CHL1: variants seen among roughly 807,000 people sequenced by gnomAD.
The protein encoded by CHL1 is neural cell adhesion molecule L1-like protein.
A neutral mutation model predicts 141.9 loss-of-function variants in CHL1; 96 were observed. The observed-to-expected ratio is 0.68, with a 90% confidence interval of 0.57 to 0.80. CHL1 has a LOEUF of 0.80. CHL1 is among the 30% of genes least tolerant of loss of function. CHL1 has a pLI of 0.00. For missense variants in CHL1, 1,820 were observed against 1,457.2 expected, an observed-to-expected ratio of 1.25 and a Z score of -4.05; for synonymous variants, 613 against 502.2, an observed-to-expected ratio of 1.22 and a Z score of -2.95.
intron 15 of CHL1, among the ~76,000 whole-genome samples, chr3:373,286 C>T (rs1300048961): frequency 6.6e-6 from 1 of 152,228 alleles, no homozygotes; most frequent in Non-Finnish European, 1.5e-5. Context: ...GGATTCTGTC[C>T]CTGAGCCTCT....
In CHL1 at chr3:390,987, TG is replaced by T. The variant is rs753375374; in HGVS notation, c.2621del (p.Gly874GlufsTer8). Reference protein sequence around the residue: ...NWWKTKSLLDGRTHPKEVNIL... With the variant: ...NWWKTKSLLDXRTHPKEVNIL... Reference sequence around the variant, plus strand: ...GGTGGAAAACAAAAAGTCTGTTGGATGGAAGAACACATCCCAAAGAAGTGAA... The same window carrying T: ...GGTGGAAAACAAAAAGTCTGTTGGATGAAGAACACATCCCAAAGAAGTGAA... On this transcript the variant is annotated frameshift_variant, in exon 22 of 28. Transcript: ENST00000256509. LOFTEE classifies it high-confidence loss of function. 2 of 1,614,158 alleles carry T rather than the reference TG, an allele frequency of 1.2e-6. No homozygotes were observed. The highest frequency in any genetic ancestry group is 3.3e-5 in the Admixed American group (2 of 60,016).
intron 1 of CHL1, among the ~76,000 whole-genome samples, chr3:232,809 G>A (rs187115482): frequency 5.1e-4 from 78 of 152,174 alleles, no homozygotes; most frequent in African/African-American, 1.8e-3. Flanking sequence ...TGGCTTGCTA[G>A]TAAGTGCCTG....
intron 24 of CHL1, 98 bp from the exon 25 acceptor site, chr3:398,129 A>G (rs1708826593): frequency 1.5e-6 from 1 of 669,530 alleles, no homozygotes; most frequent in Non-Finnish European, 2.3e-6. Flanking sequence ...AAAATATGGT[A>G]TAAGTGACTT....
At chr3:375,429 T>C (rs1200546338) in intron 15 of CHL1, among the ~76,000 whole-genome samples, 2 of 151,778 alleles carry the variant, frequency 1.3e-5, no homozygotes, top group East Asian at 3.9e-4. Context: ...GGAGCTGCTT[T>C]TTTCCCCCTC....
chr3:230,703 G>C (rs1226436841), intron 1 of CHL1, among the ~76,000 whole-genome samples: 1 of 152,052 alleles, frequency 6.6e-6, no homozygotes, highest in African/African-American at 2.4e-5. Context: ...GTTGTTTCAA[G>C]GGTTTAATTT....
In CHL1 at chr3:298,830, A is replaced by G. The variant is rs890390804; in HGVS notation, c.-94-20853A>G. 2.6e-5 allele frequency among the ~76,000 whole-genome samples: 4 copies of G among 152,176 alleles called. 1 individual carries two copies. The stretch of plus-strand genomic sequence containing the variant: ...ATTAGCAAAACAGTCACTGCCTTCA[A>G]ATTTTTTTACCATATAAGATGATGA... On this transcript the variant is annotated intron_variant, in intron 2 of 27. Coordinates refer to ENST00000256509, the MANE Select transcript of CHL1 (RefSeq NM_006614.4).
At chr3:319,660 T>G in intron 2 of CHL1, 23 bp from the exon 3 acceptor site, 2 of 611,178 alleles carry the variant, frequency 3.3e-6, no homozygotes, top group Non-Finnish European at 2.9e-6. Context: ...TGAACTAACA[T>G]GTTATTCTGT....
chr3:222,762 C>T (rs1254548250), intron 1 of CHL1, among the ~76,000 whole-genome samples: 2 of 151,950 alleles, frequency 1.3e-5, no homozygotes, highest in African/African-American at 4.8e-5. Context: ...GTGGATCCAT[C>T]CTATTTTTAT....
chr3:306,931 A>G (rs1316219518), intron 2 of CHL1, among the ~76,000 whole-genome samples: 3 of 152,202 alleles, frequency 2.0e-5, no homozygotes, highest in African/African-American at 7.2e-5. Context: ...AAATAAAATC[A>G]TATTCAAGTA....
chr3:367,521 G>A (rs1705058655), intron 15 of CHL1, among the ~76,000 whole-genome samples: 1 of 152,118 alleles, frequency 6.6e-6, no homozygotes, highest in Non-Finnish European at 1.5e-5. Flanking sequence ...TCATTATAGG[G>A]TTAACAATAC....
chr3:363,407 T>G, intron 14 of CHL1, 24 bp downstream of exon 14: 6 of 1,593,938 alleles, frequency 3.8e-6, no homozygotes, highest in Non-Finnish European at 5.1e-6. Context: ...ACTGTTACTT[T>G]GCATGAATTG....
At chr3:250,852 T>A (rs1344197406) in intron 2 of CHL1, among the ~76,000 whole-genome samples, 1 of 152,156 alleles carries the variant, frequency 6.6e-6, no homozygotes, top group Admixed American at 6.6e-5. Flanking sequence ...TTTCTAGTTG[T>A]CTAATTATAG....
At chr3:254,079 T>C (rs1199638029) in intron 2 of CHL1, among the ~76,000 whole-genome samples, 1 of 152,170 alleles carries the variant, frequency 6.6e-6, no homozygotes, top group Non-Finnish European at 1.5e-5. Context: ...ACCAGCTGCT[T>C]CCCCAGCTGC....
intron 2 of CHL1, among the ~76,000 whole-genome samples, chr3:262,882 G>T (rs1325460161): frequency 3.9e-5 from 6 of 152,218 alleles, no homozygotes; most frequent in African/African-American, 1.4e-4. Context: ...ACACCTGTGA[G>T]TTTGGCCCCA....
chr3:406,244 AG>A lies in CHL1; in HGVS notation c.*534del, dbSNP rs1559369675. On this transcript the variant is annotated 3_prime_UTR_variant, in exon 28 of 28. Coordinates refer to ENST00000256509, the MANE Select transcript of CHL1 (RefSeq NM_006614.4). The stretch of plus-strand genomic sequence containing the variant: ...CTAAATTTATTATTTAAATTTTACT[AG>A]CAAAAGTCTTAGGTGAACAATCAAC... The A allele has an allele frequency of 6.6e-6, 1 of 152,428 alleles. No individual in the cohort carries two copies. Among genetic ancestry groups the A allele is most frequent in the African/African-American group, 2.4e-5 (1 of 41,464 alleles). 9.4% of individuals were successfully genotyped at this position (152,428 alleles called of 1,614,324 possible).
chr3:310,733 A>T (rs534149384), intron 2 of CHL1, among the ~76,000 whole-genome samples: 11 of 152,328 alleles, frequency 7.2e-5, no homozygotes, highest in Middle Eastern at 3.4e-3. Context: ...CTACATTGAC[A>T]TATCAATAAC....
intron 2 of CHL1, among the ~76,000 whole-genome samples, chr3:279,378 T>C (rs182055412): frequency 6.2e-4 from 95 of 152,332 alleles, no homozygotes; most frequent in African/African-American, 2.1e-3. Context: ...CTGTTTTCTA[T>C]AGCTAGTCTT....
chr3:235,308 G>A (rs1032271306), intron 1 of CHL1, among the ~76,000 whole-genome samples: 6 of 152,058 alleles, frequency 3.9e-5, no homozygotes, highest in African/African-American at 1.4e-4. Flanking sequence ...AAATGGTCAT[G>A]TGACATTAGG....
At chr3:364,904 C>G (rs1018959535) in intron 14 of CHL1, among the ~76,000 whole-genome samples, 2 of 152,012 alleles carry the variant, frequency 1.3e-5, no homozygotes, top group African/African-American at 4.8e-5. Flanking sequence ...TAGCAGAGCC[C>G]TGATAGAGAA....
Sources: allele counts gnomAD v4.1 joint callset (sites outside exome capture counted in the v4.1 genomes callset), GRCh38; gene constraint gnomAD v4.1.1; transcripts MANE v1.5; gene names NCBI Gene and HGNC (gene_info 2026-07-23, HGNC 2026-07-21).